Variants in CAMTA1 observed in about 807,000 individuals in gnomAD.
CAMTA1 encodes calmodulin binding transcription activator 1.
CAMTA1 carries 27 observed loss-of-function variants against 170.9 expected under a neutral mutation model. That is an observed-to-expected ratio of 0.16 (90% confidence interval 0.12 to 0.22). CAMTA1 has a LOEUF of 0.22. Among genes scored for constraint, CAMTA1 ranks in the 10% least tolerant of loss-of-function variants. CAMTA1 has a pLI of 1.00. For missense variants in CAMTA1, 1,619 were observed against 2,217.2 expected (o/e 0.73, Z 5.42); for synonymous variants, 833 against 891.5 (o/e 0.93, Z 1.17).
intron 11 of CAMTA1, among the ~76,000 whole-genome samples, chr1:7,715,710 A>C (rs1283589285): frequency 6.6e-6 from 1 of 152,198 alleles, no homozygotes; most frequent in East Asian, 1.9e-4. Flanking sequence ...CACTGATTTG[A>C]AATTTGCAAA....
chr1:6,898,875 C>G (rs1676238340), intron 3 of CAMTA1, among the ~76,000 whole-genome samples: 1 of 152,042 alleles, frequency 6.6e-6, no homozygotes, highest in South Asian at 2.1e-4. Context: ...ACATGGGGCC[C>G]CCTGGTTTGT....
At chr1:7,297,210 T>C (rs920893013) in intron 5 of CAMTA1, among the ~76,000 whole-genome samples, 2 of 152,228 alleles carry the variant, frequency 1.3e-5, no homozygotes, top group Non-Finnish European at 1.5e-5. Flanking sequence ...TTAGAAGATA[T>C]GTGGTAGGGG....
At chr1:7,530,503 C>G (rs148039106) in intron 6 of CAMTA1, among the ~76,000 whole-genome samples, 1 of 152,162 alleles carries the variant, frequency 6.6e-6, no homozygotes, top group East Asian at 1.9e-4. Flanking sequence ...TGTCGCTGTC[C>G]ACTGTAACCC....
chr1:7,484,912 C>T (rs1305119911), intron 6 of CAMTA1, among the ~76,000 whole-genome samples: 1 of 152,196 alleles, frequency 6.6e-6, no homozygotes, highest in Non-Finnish European at 1.5e-5. Context: ...GGCTCTCTCC[C>T]CTCTCTGGCC....
At chr1:7,001,202 C>T (rs11120812) in intron 3 of CAMTA1, among the ~76,000 whole-genome samples, 21,140 of 152,156 alleles carry the variant, frequency 0.14, 1,561 homozygotes, top group Non-Finnish European at 0.18. Context: ...CAGAGCACTT[C>T]TCACCATTTC....
chr1:6,963,722 C>T (rs186265981), intron 3 of CAMTA1, among the ~76,000 whole-genome samples: 165 of 152,238 alleles, frequency 1.1e-3, no homozygotes, highest in Non-Finnish European at 1.4e-3. Flanking sequence ...GCTGGGGGGG[C>T]GCGCTCCCGG....
chr1:6,930,957 A>T (rs533783731), intron 3 of CAMTA1, among the ~76,000 whole-genome samples: 1 of 152,196 alleles, frequency 6.6e-6, no homozygotes, highest in Non-Finnish European at 1.5e-5. Context: ...CTCTGCACAC[A>T]TCTGGGCCCT....
chr1:7,047,160 G>A (rs1247131899), intron 3 of CAMTA1, among the ~76,000 whole-genome samples: 1 of 152,180 alleles, frequency 6.6e-6, no homozygotes, highest in Admixed American at 6.5e-5. Context: ...ATGGAGTGGA[G>A]TCTCCTCCCC....
intron 7 of CAMTA1, among the ~76,000 whole-genome samples, chr1:7,646,090 T>TGGTGAGTTGGGTGGAGGCCAC (rs2095801421): frequency 6.8e-6 from 1 of 146,014 alleles, no homozygotes. Context: ...GTGGAGGCCA[T>TGGTGAGTTGGGTGGAGGCCAC]GGTGAGTTGG....
rs561680420 is a variant in CAMTA1 at position 7,077,771 on chromosome 1, G to T, written c.235-13533G>T. Among the ~76,000 whole-genome samples the T allele has an allele frequency of 5.9e-5, 9 of 152,122 alleles. No individual in the cohort carries two copies. The East Asian group carries it at 1.3e-3, about 23-fold the overall frequency. On this transcript the variant is annotated intron_variant, in intron 3 of 22. Transcript: ENST00000303635. ...GTTAGGTGGCTCTGCTGTACTTGGAGGCTGGAAGGGCCTGGAGCGAGGCAA... is the reference window on the plus strand; with the variant it reads ...GTTAGGTGGCTCTGCTGTACTTGGATGCTGGAAGGGCCTGGAGCGAGGCAA...
At chr1:7,433,628 G>A (rs1000957659) in intron 5 of CAMTA1, among the ~76,000 whole-genome samples, 1 of 152,224 alleles carries the variant, frequency 6.6e-6, no homozygotes, top group African/African-American at 2.4e-5. Context: ...ACACTGCTGA[G>A]CAAAACAAGC....
At chr1:7,205,124 C>T (rs924460305) in intron 4 of CAMTA1, among the ~76,000 whole-genome samples, 6 of 151,812 alleles carry the variant, frequency 4.0e-5, no homozygotes, top group South Asian at 2.1e-4. Flanking sequence ...CCACCGCGCC[C>T]GGCCCAGAGT....
chr1:7,461,237 C>T (rs2093080899), intron 5 of CAMTA1, among the ~76,000 whole-genome samples: 1 of 152,292 alleles, frequency 6.6e-6, no homozygotes, highest in African/African-American at 2.4e-5. Context: ...AGGTGCCAAC[C>T]TTCAAGCATA....
At chr1:7,747,920 A>AT (rs1464181215) in intron 19 of CAMTA1, 139 bp downstream of exon 19, 595 of 337,516 alleles carry the variant, frequency 1.8e-3, no homozygotes, top group South Asian at 3.0e-3. Context: ...TTTTTTTTTT[A>AT]TTTTTTTTTT....
intron 3 of CAMTA1, among the ~76,000 whole-genome samples, chr1:6,921,348 C>T (rs747176037): frequency 6.6e-6 from 1 of 152,170 alleles, no homozygotes; most frequent in Admixed American, 6.5e-5. Context: ...CATCTGAGAC[C>T]ACCTCAACCT....
chr1:7,253,903 G>A (rs1183907930), intron 5 of CAMTA1, among the ~76,000 whole-genome samples: 1 of 152,134 alleles, frequency 6.6e-6, no homozygotes, highest in Non-Finnish European at 1.5e-5. Context: ...GGCAATAGGT[G>A]CTGGGATGCA....
chr1:7,231,039 C>G (rs889336197), intron 4 of CAMTA1, among the ~76,000 whole-genome samples: 5 of 152,164 alleles, frequency 3.3e-5, no homozygotes, highest in Admixed American at 3.3e-4. Flanking sequence ...AGGAGGCCAA[C>G]TGGGTCACAT....
At chr1:7,413,159 C>G (rs558630006) in intron 5 of CAMTA1, among the ~76,000 whole-genome samples, 1 of 151,976 alleles carries the variant, frequency 6.6e-6, no homozygotes, top group East Asian at 1.9e-4. Flanking sequence ...GTTACTGTAG[C>G]CTTGTAGTAT....
intron 5 of CAMTA1, among the ~76,000 whole-genome samples, chr1:7,432,100 G>A (rs1000807440): frequency 6.6e-6 from 1 of 152,198 alleles, no homozygotes; most frequent in Non-Finnish European, 1.5e-5. Context: ...CTGACAAAGT[G>A]GACTAGAAAC....
Sources: allele counts gnomAD v4.1 joint callset (sites outside exome capture counted in the v4.1 genomes callset), GRCh38; gene constraint gnomAD v4.1.1; transcripts MANE v1.5; gene names NCBI Gene and HGNC (gene_info 2026-07-23, HGNC 2026-07-21).